DLGAP1: variants seen among roughly 807,000 people sequenced by gnomAD.
The protein encoded by DLGAP1 is disks large-associated protein 1.
DLGAP1 carries 11 observed loss-of-function variants against 90.8 expected under a neutral mutation model. That is an observed-to-expected ratio of 0.12 (90% CI 0.08 to 0.20). The LOEUF is 0.20. DLGAP1 is among the 10% of genes least tolerant of loss of function. The probability of loss-of-function intolerance (pLI) is 1.00; values close to 1 mark genes in which losing one functional copy is unlikely to be tolerated. For synonymous variants in DLGAP1, 558 were observed against 540.7 expected, an observed-to-expected ratio of 1.03 and a Z score of -0.44; for missense variants, 1,050 against 1,333.8, an observed-to-expected ratio of 0.79 and a Z score of 3.31.
At chr18:3,726,212 C>A (rs538309651) in intron 7 of DLGAP1, among the ~76,000 whole-genome samples, 8 of 152,142 alleles carry the variant, frequency 5.3e-5, no homozygotes. Flanking sequence ...CCGAGATGTG[C>A]ATCTGACCCG....
At chr18:4,155,626 T>A (rs2076743174) in intron 1 of DLGAP1, among the ~76,000 whole-genome samples, 1 of 152,188 alleles carries the variant, frequency 6.6e-6, no homozygotes, top group Non-Finnish European at 1.5e-5. Flanking sequence ...GGTATATGTA[T>A]ATTAAAAGAT....
At chr18:3,614,034 G>A (rs764070167) in intron 7 of DLGAP1, among the ~76,000 whole-genome samples, 14 of 151,962 alleles carry the variant, frequency 9.2e-5, no homozygotes, top group Non-Finnish European at 1.5e-4. Context: ...CGATTCCCCT[G>A]CCTCGGCCTC....
chr18:4,071,705 T>C (rs753068171), intron 2 of DLGAP1, among the ~76,000 whole-genome samples: 5 of 152,212 alleles, frequency 3.3e-5, no homozygotes, highest in Non-Finnish European at 7.3e-5. Context: ...TCTGACATTG[T>C]AATAGGTCCA....
At chr18:4,012,847 C>T (rs746491751) in intron 2 of DLGAP1, among the ~76,000 whole-genome samples, 24 of 151,728 alleles carry the variant, frequency 1.6e-4, no homozygotes, top group Non-Finnish European at 2.9e-4. Flanking sequence ...CACAGGCATG[C>T]GCCACCATGG....
At chr18:3,508,736 G>T in intron 10 of DLGAP1, 75 bp from the exon 11 acceptor site, 2 of 1,229,816 alleles carry the variant, frequency 1.6e-6, no homozygotes, top group South Asian at 2.6e-5. Context: ...AAGCAAAGAG[G>T]AAGTTATGCT....
At chr18:3,947,251 A>C (rs1031687406) in intron 3 of DLGAP1, among the ~76,000 whole-genome samples, 3 of 152,176 alleles carry the variant, frequency 2.0e-5, no homozygotes, top group Non-Finnish European at 4.4e-5. Flanking sequence ...TGTTCAAAGC[A>C]CTGAGCCGAT....
At chr18:3,579,287 C>T (rs1204371536) in intron 8 of DLGAP1, among the ~76,000 whole-genome samples, 4 of 152,192 alleles carry the variant, frequency 2.6e-5, no homozygotes, top group African/African-American at 7.2e-5. Context: ...CTCGGCTCAC[C>T]GCAACCTCCG....
In DLGAP1 at chr18:4,128,532, C is replaced by T. The variant is rs372779664; in HGVS notation, c.-159+22648G>A. 1.4e-4 allele frequency among the ~76,000 whole-genome samples: 22 copies of T among 152,198 alleles called. No homozygotes were observed. In the East Asian group the frequency reaches 3.3e-3, roughly 23 times the overall value. The stretch of plus-strand genomic sequence containing the variant: ...TGTGTCACTTTTTGTTTTCTAAATG[C>T]TTTACAATTTCCTATGGGATTCAAA... On this transcript the variant is annotated intron_variant, in intron 2 of 12. Transcript: ENST00000315677.
At chr18:3,502,744 G>A (rs1026146762) in intron 11 of DLGAP1, 99 bp from the exon 12 acceptor site, 3 of 1,356,984 alleles carry the variant, frequency 2.2e-6, no homozygotes, top group Non-Finnish European at 3.0e-6. Flanking sequence ...ACATAAGGAG[G>A]ACTAGTTCCT....
intron 1 of DLGAP1, among the ~76,000 whole-genome samples, chr18:4,151,946 T>C (rs1338202986): frequency 1.3e-5 from 2 of 152,200 alleles, no homozygotes; most frequent in Non-Finnish European, 2.9e-5. Context: ...CTGCAAGTTC[T>C]GTACATGTAT....
At chr18:4,424,679 T>G (rs1225858478) in intron 1 of DLGAP1, among the ~76,000 whole-genome samples, 1 of 152,166 alleles carries the variant, frequency 6.6e-6, no homozygotes, top group Non-Finnish European at 1.5e-5. Context: ...ATGGCATATC[T>G]GAAAGAGAAA....
At chr18:4,179,845 C>A (rs6506192) in intron 1 of DLGAP1, among the ~76,000 whole-genome samples, 61,873 of 151,974 alleles carry the variant, frequency 0.41, 13,125 homozygotes, top group East Asian at 0.69. Flanking sequence ...ATCTCGGCTG[C>A]GTCCCTTGGG....
At chr18:4,179,883 G>A (rs2144650747) in intron 1 of DLGAP1, among the ~76,000 whole-genome samples, 2 of 152,260 alleles carry the variant, frequency 1.3e-5, no homozygotes, top group South Asian at 4.1e-4. Flanking sequence ...CTGATCTTCA[G>A]TGTCTGTATT....
intron 1 of DLGAP1, among the ~76,000 whole-genome samples, chr18:4,347,868 A>T (rs1382498426): frequency 6.6e-6 from 1 of 151,908 alleles, no homozygotes; most frequent in Non-Finnish European, 1.5e-5. Context: ...AGGTAAAAGT[A>T]TCCCTACTTA....
At chr18:4,293,535 G>C (rs2079901133) in intron 1 of DLGAP1, 1 of 152,120 alleles carries the variant, frequency 6.6e-6, no homozygotes, top group Admixed American at 6.5e-5. Flanking sequence ...AAAACAATTA[G>C]GTCACAGGAT....
chr18:4,395,900 A>G lies in DLGAP1; in HGVS notation c.-267+59106T>C, dbSNP rs572093580. Among the ~76,000 whole-genome samples, 169 of 152,292 alleles carry G rather than the reference A, an allele frequency of 1.1e-3. 1 individual carries two copies. Among genetic ancestry groups the G allele is most frequent in the African/African-American group, 3.9e-3 (163 of 41,520 alleles). On this transcript the variant is annotated intron_variant, in intron 1 of 12. Transcript: ENST00000315677. ...TAAACCCCACGATAAAGACAAATTC[A>G]ACATCACTTACATTCTGACACTAGA...
At chr18:4,171,063 C>G (rs1388239959) in intron 1 of DLGAP1, among the ~76,000 whole-genome samples, 1 of 149,256 alleles carries the variant, frequency 6.7e-6, no homozygotes, top group African/African-American at 2.5e-5. Context: ...TTTTTAAATC[C>G]TCCAGTAATC....
chr18:3,962,908 G>A (rs913935854), intron 3 of DLGAP1, among the ~76,000 whole-genome samples: 19 of 152,122 alleles, frequency 1.2e-4, no homozygotes, highest in African/African-American at 4.3e-4. Flanking sequence ...GGGTGAGTTA[G>A]TTCTTCAGTT....
At chr18:4,405,558 T>C (rs1223396890) in intron 1 of DLGAP1, among the ~76,000 whole-genome samples, 1 of 152,196 alleles carries the variant, frequency 6.6e-6, no homozygotes, top group East Asian at 1.9e-4. Context: ...AATTAAACTA[T>C]AAATATACAT....
Sources: gnomAD v4.1 joint callset for allele counts (sites outside exome capture counted in the v4.1 genomes callset) on GRCh38, gnomAD v4.1.1 for gene constraint, MANE v1.5 for transcripts, NCBI Gene and HGNC (gene_info 2026-07-23, HGNC 2026-07-21) for gene names.